The following SMARCAL1 variants were observed in gnomAD, a reference collection of about 807,000 sequenced individuals.
SMARCAL1 encodes the protein ATP-driven annealing helicase.
A neutral mutation model predicts 94.5 loss-of-function variants in SMARCAL1; 58 were observed. The observed-to-expected ratio is 0.61, with a 90% CI of 0.50 to 0.76. The LOEUF is 0.76. Ranked by LOEUF, SMARCAL1 falls within the 30% of genes least tolerant of loss-of-function variation. The pLI is 0.00. For missense variants in SMARCAL1, 1,051 were observed against 1,177.9 expected, an observed-to-expected ratio of 0.89 and a Z score of 1.58; for synonymous variants, 422 against 455.1, an observed-to-expected ratio of 0.93 and a Z score of 0.93.
At chr2:216,437,017 A>G (rs1427052257) in intron 9 of SMARCAL1, among the ~76,000 whole-genome samples, 2 of 152,162 alleles carry the variant, frequency 1.3e-5, no homozygotes, top group Admixed American at 1.3e-4. Flanking sequence ...GCCACTTACC[A>G]CCATTGTTGG....
At chr2:216,446,245 A>G (rs1184949431) in intron 10 of SMARCAL1, among the ~76,000 whole-genome samples, 4 of 151,986 alleles carry the variant, frequency 2.6e-5, no homozygotes, top group African/African-American at 7.3e-5. Context: ...TTGACCAACT[A>G]TTTTTTCCCA....
chr2:216,454,392 G>T (rs1454131169), intron 12 of SMARCAL1, among the ~76,000 whole-genome samples: 1 of 152,152 alleles, frequency 6.6e-6, no homozygotes, highest in Admixed American at 6.5e-5. Context: ...TACTTGCTCT[G>T]TGCTGGGCAT....
chr2:216,430,829 C>G (rs1026430552), intron 7 of SMARCAL1, among the ~76,000 whole-genome samples: 4 of 152,250 alleles, frequency 2.6e-5, no homozygotes, highest in Non-Finnish European at 4.4e-5. Flanking sequence ...CCTCGCTGGC[C>G]ACCAATTTTG....
intron 12 of SMARCAL1, among the ~76,000 whole-genome samples, chr2:216,459,890 G>T (rs1312476642): frequency 6.6e-6 from 1 of 152,098 alleles, no homozygotes. Flanking sequence ...CCATCAGAGT[G>T]AACAGGAAAC....
In SMARCAL1 at chr2:216,432,751, C is replaced by A; in HGVS notation, c.1368C>A (p.Leu456=). ...TAGCCAAAGGAGGCCGCCTGCTGCT[C>A]GCTGACGACATGGGCCTGGGGAAGA... ...FAIAKGGRLL[L]ADDMGLGKTI... The change falls in exon 8 of 18, where the codon CTC becomes CTA. Residue 456 remains leucine (L), a synonymous_variant. Transcript: ENST00000357276. 4 of 1,614,168 alleles carry A rather than the reference C, an allele frequency of 2.5e-6. No homozygotes were observed. Among genetic ancestry groups the A allele is most frequent in the Non-Finnish European group, 3.4e-6 (4 of 1,180,042 alleles).
At chr2:216,441,669 A>G (rs1311717409) in intron 10 of SMARCAL1, among the ~76,000 whole-genome samples, 1 of 152,228 alleles carries the variant, frequency 6.6e-6, no homozygotes, top group Non-Finnish European at 1.5e-5. Context: ...TTATCCTATT[A>G]GGACAAATTC....
At chr2:216,429,400 G>A (rs1693912155) in intron 7 of SMARCAL1, among the ~76,000 whole-genome samples, 1 of 152,184 alleles carries the variant, frequency 6.6e-6, no homozygotes, top group Admixed American at 6.5e-5. Flanking sequence ...GTGGGAGGTG[G>A]CAGTTCTCCA....
rs555817235 is a variant in SMARCAL1 at position 216,446,116 on chromosome 2, C to T, written c.1711-902C>T. Among the ~76,000 whole-genome samples, 4 of 148,526 alleles carry T rather than the reference C, an allele frequency of 2.7e-5. No homozygotes were observed. In the South Asian group the frequency reaches 6.4e-4, roughly 24 times the overall value. On this transcript the variant is annotated intron_variant, in intron 10 of 17. Transcript: ENST00000357276. ...TGTTCTAATACAGTAGGAAGAGTCTCTTTTTTTTTTTCTCACCCTCTTTCC... is the reference window on the plus strand; with the variant it reads ...TGTTCTAATACAGTAGGAAGAGTCTTTTTTTTTTTTTCTCACCCTCTTTCC...
At chr2:216,419,549 C>G (rs1261195815) in intron 4 of SMARCAL1, among the ~76,000 whole-genome samples, 3 of 143,754 alleles carry the variant, frequency 2.1e-5, no homozygotes, top group Admixed American at 6.7e-5. Context: ...TCCTGGTCCT[C>G]ACTCCTTTGT....
chr2:216,448,322 G>A (rs746145381), intron 11 of SMARCAL1, among the ~76,000 whole-genome samples: 1 of 152,050 alleles, frequency 6.6e-6, no homozygotes, highest in Non-Finnish European at 1.5e-5. Context: ...TGTCCTATTC[G>A]CAAACAGTCC....
chr2:216,456,654 T>A (rs1363405225), intron 12 of SMARCAL1, among the ~76,000 whole-genome samples: 1 of 152,206 alleles, frequency 6.6e-6, no homozygotes, highest in Non-Finnish European at 1.5e-5. Flanking sequence ...TGAGAGATTT[T>A]GTCACCACCA....
At position 216,451,497 on chromosome 2, in the gene SMARCAL1, G is replaced by A. The variant is rs371132471; in HGVS notation, c.2070+433G>A. The A allele has an allele frequency of 1.5e-4, 29 of 195,546 alleles. No homozygotes were observed. In the South Asian group the frequency reaches 2.4e-3, roughly 16 times the overall value. 12.1% of individuals were successfully genotyped at this position (195,546 alleles called of 1,614,324 possible). A position where few individuals can be genotyped will look rare whatever the true frequency, so the allele number is the denominator to read the frequency against. ...TTTGTGTTAGTCAAAATAACAAGCC[G>A]ACATTCTTATAACAAAATAGAGTTT... On this transcript the variant is annotated intron_variant, in intron 12 of 17. Transcript: ENST00000357276.
intron 12 of SMARCAL1, among the ~76,000 whole-genome samples, chr2:216,458,884 A>C (rs1230638519): frequency 6.6e-6 from 1 of 152,180 alleles, no homozygotes; most frequent in Non-Finnish European, 1.5e-5. Flanking sequence ...GAAAAGAGGA[A>C]GTCAAATTGT....
chr2:216,466,942 T>C (rs1183848898), intron 13 of SMARCAL1, among the ~76,000 whole-genome samples: 1 of 152,202 alleles, frequency 6.6e-6, no homozygotes, highest in Non-Finnish European at 1.5e-5. Flanking sequence ...ACCTGAGACA[T>C]ATCCTTCTTT....
In SMARCAL1 at chr2:216,475,675, C is replaced by G. The variant is rs999832395; in HGVS notation, c.2427+224C>G. On this transcript the variant is annotated intron_variant, in intron 15 of 17. Coordinates refer to ENST00000357276, the MANE Select transcript of SMARCAL1 (RefSeq NM_014140.4). The surrounding 1 kb of genome is among the most constrained non-coding windows in gnomAD (Gnocchi z 4.4). Reference sequence around the variant, plus strand: ...TATCACCCAGGCTGGAGTGCAGTGGCATGATCTTGGCTCACTGCAACCTCC... The same window carrying G: ...TATCACCCAGGCTGGAGTGCAGTGGGATGATCTTGGCTCACTGCAACCTCC... Among the ~76,000 whole-genome samples the G allele has an allele frequency of 6.6e-6, 1 of 152,010 alleles. No homozygotes were observed. Among genetic ancestry groups the G allele is most frequent in the Non-Finnish European group, 1.5e-5 (1 of 68,024 alleles).
chr2:216,460,406 A>G (rs1476345232), intron 12 of SMARCAL1, among the ~76,000 whole-genome samples: 1 of 152,178 alleles, frequency 6.6e-6, no homozygotes, highest in East Asian at 1.9e-4. Flanking sequence ...TTGCAGCACT[A>G]TTCACAATAG....
chr2:216,447,590 G>A (rs2106051026), intron 11 of SMARCAL1, among the ~76,000 whole-genome samples: 2 of 152,156 alleles, frequency 1.3e-5, no homozygotes, highest in East Asian at 3.9e-4. Context: ...CAGGCAGAGG[G>A]AAGAAGTAGG....
intron 10 of SMARCAL1, 65 bp from the exon 11 acceptor site, chr2:216,446,953 C>A: frequency 3.7e-6 from 6 of 1,603,604 alleles, no homozygotes; most frequent in Non-Finnish European, 5.1e-6. Flanking sequence ...CTCACTGGGG[C>A]ATTTTGAACA....
chr2:216,455,029 G>A (rs1375271529), intron 12 of SMARCAL1, among the ~76,000 whole-genome samples: 8 of 152,232 alleles, frequency 5.3e-5, no homozygotes, highest in African/African-American at 1.9e-4. Context: ...AATGGTCTTA[G>A]CAAACTGCAC....
Sources: gnomAD v4.1 joint callset for allele counts (sites outside exome capture counted in the v4.1 genomes callset) on GRCh38, gnomAD v4.1.1 for gene constraint, Gnocchi (gnomAD v3.1) non-coding constraint, MANE v1.5 for transcripts, NCBI Gene and HGNC (gene_info 2026-07-23, HGNC 2026-07-21) for gene names.